OSBP: variants seen among roughly 807,000 people sequenced by gnomAD.
OSBP encodes oxysterol-binding protein 1.
In OSBP, 32 loss-of-function variants were observed where a neutral mutation model predicts 96.6. The ratio of observed to expected loss-of-function variants is 0.33; its 90% CI spans 0.25 to 0.45. The LOEUF is 0.45. Among genes scored for constraint, OSBP ranks in the 20% least tolerant of loss-of-function variants. The pLI, the probability that OSBP is intolerant of heterozygous loss-of-function variation, is 1.00. For synonymous variants in OSBP, 369 were observed against 389.6 expected, an observed-to-expected ratio of 0.95 and a Z score of 0.62; for missense variants, 653 against 1,029.7, an observed-to-expected ratio of 0.63 and a Z score of 5.01.
At chr11:59,612,136 TG>T (rs1023490805) in intron 1 of OSBP, among the ~76,000 whole-genome samples, 26 of 152,184 alleles carry the variant, frequency 1.7e-4, no homozygotes, top group African/African-American at 6.3e-4. Context: ...CCATAAGATT[TG>T]GTATGTTTGA....
chr11:59,575,277 T>G lies in OSBP; in HGVS notation c.*1300A>C, dbSNP rs2134647655. 6.6e-6 allele frequency: 1 copy of G among 152,090 alleles called. No individual in the cohort carries two copies. Among genetic ancestry groups the G allele is most frequent in the East Asian group, 1.9e-4 (1 of 5,192 alleles). The allele number at this position is 152,090 out of a possible 1,614,324, so 9.4% of individuals were successfully genotyped here. ...ATTTCATTTTCAAGAGTCAGCTAAT[T>G]AGGAGAGCAGAGTTTAGACAGCAGT... On this transcript the variant is annotated 3_prime_UTR_variant, in exon 14 of 14. Coordinates refer to ENST00000263847, the MANE Select transcript of OSBP (RefSeq NM_002556.3).
intron 10 of OSBP, 137 bp from the exon 11 acceptor site, chr11:59,580,406 G>A: frequency 1.5e-6 from 1 of 648,978 alleles, no homozygotes; most frequent in Non-Finnish European, 2.7e-6. Context: ...AGCTAGCCTT[G>A]GGAATGCTAT....
chr11:59,589,718 C>G (rs1860553460), intron 9 of OSBP, among the ~76,000 whole-genome samples: 1 of 152,138 alleles, frequency 6.6e-6, no homozygotes, highest in African/African-American at 2.4e-5. Flanking sequence ...GGCATGGTGG[C>G]TCACGCCTGT....
Position 59,610,390 on chromosome 11 carries a change from C to A in OSBP, c.562G>T (p.Ala188Ser), listed in dbSNP as rs1378281093. The A allele has an allele frequency of 1.9e-6, 3 of 1,612,920 alleles. No individual in the cohort carries two copies. Among genetic ancestry groups the A allele is most frequent in the South Asian group, 1.1e-5 (1 of 91,034 alleles). The change falls in exon 2 of 14, where the codon GCA (alanine) becomes TCA (serine). Residue 188 changes from alanine to serine, a missense_variant. Physicochemically the swap from Ala to Ser is moderately conservative, Grantham distance 99. Transcript: ENST00000263847. Reference protein sequence around the residue: ...LAKAKAVKMLAESDESGDEES... With the variant: ...LAKAKAVKMLSESDESGDEES... The stretch of plus-strand genomic sequence containing the variant: ...GTTCTTTGTTCCTGACCTGACTCTG[C>A]CAGCATCTTCACAGCTTTGGCCTTG...
At chr11:59,601,227 CACCAT>C in intron 5 of OSBP, 51 bp downstream of exon 5, 2 of 967,650 alleles carry the variant, frequency 2.1e-6, no homozygotes, top group Non-Finnish European at 3.3e-6. Flanking sequence ...GCTAAAATAC[CACCAT>C]ATTGATGGTG....
At position 59,593,480 on chromosome 11, in the gene OSBP, T is replaced by C. The variant is rs146425762; in HGVS notation, c.1678+124A>G. 8.4e-3 allele frequency: 8,767 copies of C among 1,037,686 alleles called. 85 individuals are homozygous for C. The highest frequency in any genetic ancestry group is 0.013 in the Middle Eastern group (49 of 3,798). 64.3% of individuals were successfully genotyped at this position (1,037,686 alleles called of 1,614,324 possible). ...AGTTAAATACCTGCCCAAAGCCAGT[T>C]AGTGAGGGTCAGTGCTCGAATCAGA... On this transcript the variant is annotated intron_variant, in intron 9 of 13. Coordinates refer to ENST00000263847, the MANE Select transcript of OSBP (RefSeq NM_002556.3).
chr11:59,578,057 A>T, intron 12 of OSBP, 92 bp downstream of exon 12: 1 of 1,181,770 alleles, frequency 8.5e-7, no homozygotes, highest in Admixed American at 1.9e-5. Context: ...TTCCCCACAT[A>T]ATTAAGTGAG....
intron 2 of OSBP, among the ~76,000 whole-genome samples, chr11:59,609,903 A>T (rs1385166310): frequency 6.6e-6 from 1 of 152,232 alleles, no homozygotes; most frequent in East Asian, 1.9e-4. Context: ...TCAGGAGAAA[A>T]AGCACGAATA....
chr11:59,578,624 A>AT (rs1004824157), intron 11 of OSBP, among the ~76,000 whole-genome samples: 5 of 151,828 alleles, frequency 3.3e-5, no homozygotes, highest in South Asian at 4.2e-4. Context: ...TAAGTCTTTA[A>AT]TTTTTTTTGT....
At chr11:59,577,800 C>A (rs528044245) in intron 12 of OSBP, among the ~76,000 whole-genome samples, 1 of 152,168 alleles carries the variant, frequency 6.6e-6, no homozygotes, top group Non-Finnish European at 1.5e-5. Context: ...TGCTGATGGG[C>A]CTTTAGGCTA....
intron 9 of OSBP, among the ~76,000 whole-genome samples, chr11:59,584,423 A>C (rs1447845672): frequency 6.6e-6 from 1 of 152,224 alleles, no homozygotes; most frequent in Non-Finnish European, 1.5e-5. Flanking sequence ...TCAGCAGCAT[A>C]TTAAAAGGAT....
intron 1 of OSBP, among the ~76,000 whole-genome samples, chr11:59,613,217 TGGGTG>T (rs1829613315): frequency 1.3e-5 from 2 of 152,234 alleles, no homozygotes; most frequent in African/African-American, 4.8e-5. Flanking sequence ...GGTTTGTTTA[TGGGTG>T]GGACCACCTA....
At chr11:59,585,929 G>A (rs1463619345) in intron 9 of OSBP, among the ~76,000 whole-genome samples, 6 of 152,036 alleles carry the variant, frequency 3.9e-5, no homozygotes, top group South Asian at 2.1e-4. Flanking sequence ...GATTAAGGGC[G>A]GTGCAAGATG....
In OSBP at chr11:59,583,546, G is replaced by A. The variant is rs1375791391; in HGVS notation, c.1679-1992C>T. Among the ~76,000 whole-genome samples, 7 of 151,380 alleles carry A rather than the reference G, an allele frequency of 4.6e-5. No individual in the cohort carries two copies. The South Asian group carries it at 8.3e-4, about 18-fold the overall frequency. ...GAACACTTGCTGTGTACCAGGTGCC[G>A]TGCTATGGTCTCCTCATGCATTATT... On this transcript the variant is annotated intron_variant, in intron 9 of 13. Transcript: ENST00000263847.
intron 9 of OSBP, among the ~76,000 whole-genome samples, chr11:59,583,739 G>C (rs1157093492): frequency 6.8e-6 from 1 of 147,902 alleles, no homozygotes; most frequent in Non-Finnish European, 1.5e-5. Context: ...TGCCTCCCGG[G>C]TTCAAACAAT....
chr11:59,593,944 G>A (rs915370264), intron 8 of OSBP, 66 bp downstream of exon 8: 1 of 1,581,850 alleles, frequency 6.3e-7, no homozygotes, highest in Non-Finnish European at 8.6e-7. Context: ...AAGACCCAGG[G>A]GATTAACCAA....
In OSBP at chr11:59,593,590, G is replaced by T; in HGVS notation, c.1678+14C>A. On this transcript the variant is annotated intron_variant, in intron 9 of 13. Transcript: ENST00000263847. Reference sequence around the variant, plus strand: ...TTCCAGGAGCATTAATTCTGACAAAGATGGTAACCTTACCGAGGGGCATAA... The same window carrying T: ...TTCCAGGAGCATTAATTCTGACAAATATGGTAACCTTACCGAGGGGCATAA... The T allele has an allele frequency of 6.2e-7, 1 of 1,613,658 alleles. No homozygotes were observed. Among genetic ancestry groups the T allele is most frequent in the South Asian group, 1.1e-5 (1 of 91,072 alleles).
chr11:59,605,874 G>A (rs1167412308), intron 3 of OSBP, among the ~76,000 whole-genome samples: 2 of 152,164 alleles, frequency 1.3e-5, no homozygotes, highest in Non-Finnish European at 2.9e-5. Flanking sequence ...GTTGCCCCAA[G>A]TTATACACAT....
At chr11:59,593,553 GA>G (rs1441223635) in intron 9 of OSBP, 50 bp downstream of exon 9, 2 of 1,608,456 alleles carry the variant, frequency 1.2e-6, no homozygotes, top group East Asian at 4.5e-5. Context: ...CATCGTGCCA[GA>G]AAACCTTTCA....
Sources: allele counts gnomAD v4.1 joint callset (sites outside exome capture counted in the v4.1 genomes callset), GRCh38; gene constraint gnomAD v4.1.1; transcripts MANE v1.5; gene names NCBI Gene and HGNC (gene_info 2026-07-23, HGNC 2026-07-21).